The following DLEC1 variants were observed in gnomAD, a reference collection of about 807,000 sequenced individuals.
DLEC1 encodes the protein DLEC1 cilia and flagella associated protein, also known as deleted in lung and esophageal cancer protein 1.
DLEC1 carries 146 observed loss-of-function variants against 198.1 expected under a neutral mutation model. The ratio of observed to expected loss-of-function variants is 0.74; its 90% CI spans 0.64 to 0.85. The LOEUF is 0.85. Among genes scored for constraint, DLEC1 ranks in the 40% least tolerant of loss-of-function variants. The pLI, the probability that DLEC1 is intolerant of heterozygous loss-of-function variation, is 0.00. For synonymous variants in DLEC1, 897 were observed against 866.8 expected, an observed-to-expected ratio of 1.03 and a Z score of -0.61; for missense variants, 2,233 against 2,220.0, an observed-to-expected ratio of 1.01 and a Z score of -0.12.
chr3:38,096,499 A>G, intron 14 of DLEC1, 70 bp from the exon 15 acceptor site: 1 of 1,521,110 alleles, frequency 6.6e-7, no homozygotes, highest in East Asian at 2.3e-5. Flanking sequence ...AACGTGGGAC[A>G]GAGGCAGGGA....
At chr3:38,073,958 G>A (rs535139499) in intron 6 of DLEC1, among the ~76,000 whole-genome samples, 2 of 152,300 alleles carry the variant, frequency 1.3e-5, no homozygotes, top group South Asian at 2.1e-4. Flanking sequence ...GGAAGGAGTC[G>A]GTCAGAGAGC....
At chr3:38,044,593 A>G (rs1700800726) in intron 1 of DLEC1, among the ~76,000 whole-genome samples, 2 of 152,072 alleles carry the variant, frequency 1.3e-5, no homozygotes, top group Admixed American at 6.6e-5. Context: ...AGAAAGGAAA[A>G]GAAAGAAACA....
At chr3:38,082,986 AGAAAAT>A (rs1231447539) in intron 6 of DLEC1, among the ~76,000 whole-genome samples, 3 of 152,148 alleles carry the variant, frequency 2.0e-5, no homozygotes, top group Non-Finnish European at 4.4e-5. Context: ...TGTCTCTACC[AGAAAAT>A]GAAAGGAATT....
intron 22 of DLEC1, 129 bp downstream of exon 22, chr3:38,109,691 G>A (rs561028081): frequency 4.8e-6 from 7 of 1,464,176 alleles, no homozygotes; most frequent in African/African-American, 1.4e-5. Context: ...AAACGCCACA[G>A]TGTTATTGCG....
intron 4 of DLEC1, 98 bp from the exon 5 acceptor site, chr3:38,062,483 C>A: frequency 6.4e-7 from 1 of 1,571,474 alleles, no homozygotes. Flanking sequence ...TAGAGTAGAG[C>A]TTGTGTTGGC....
At chr3:38,044,862 T>C (rs1161097447) in intron 1 of DLEC1, among the ~76,000 whole-genome samples, 2 of 152,198 alleles carry the variant, frequency 1.3e-5, no homozygotes, top group Non-Finnish European at 2.9e-5. Flanking sequence ...AAGTGGACTC[T>C]CTGGGCGCAA....
At chr3:38,091,443 G>A (rs144673597) in intron 10 of DLEC1, among the ~76,000 whole-genome samples, 39 of 152,274 alleles carry the variant, frequency 2.6e-4, no homozygotes, top group African/African-American at 9.1e-4. Flanking sequence ...CAGCCTGGGT[G>A]ACAGAGCAAG....
At chr3:38,117,326 C>A in intron 31 of DLEC1, 24 bp downstream of exon 31, 1 of 1,612,604 alleles carries the variant, frequency 6.2e-7, no homozygotes, top group Non-Finnish European at 8.5e-7. Context: ...GGTGCCCCAT[C>A]TCCTTTCATC....
chr3:38,061,345 A>AT (rs1395928328), intron 3 of DLEC1, among the ~76,000 whole-genome samples: 3 of 151,676 alleles, frequency 2.0e-5, no homozygotes, highest in Non-Finnish European at 4.4e-5. Flanking sequence ...TGCCTGGATA[A>AT]TTTTTTTGTA....
At chr3:38,073,544 G>A (rs956654966) in intron 6 of DLEC1, among the ~76,000 whole-genome samples, 1 of 152,108 alleles carries the variant, frequency 6.6e-6, no homozygotes, top group African/African-American at 2.4e-5. Flanking sequence ...AAGACACAAA[G>A]GAGGCTTTGG....
At chr3:38,043,045 G>C (rs1230499649) in intron 1 of DLEC1, among the ~76,000 whole-genome samples, 1 of 152,134 alleles carries the variant, frequency 6.6e-6, no homozygotes, top group East Asian at 1.9e-4. Flanking sequence ...TTTTCCCTCA[G>C]ATAACCCCGT....
At chr3:38,098,177 C>T (rs925585882) in intron 18 of DLEC1, among the ~76,000 whole-genome samples, 1 of 152,112 alleles carries the variant, frequency 6.6e-6, no homozygotes, top group Non-Finnish European at 1.5e-5. Flanking sequence ...CCCTCAGAGC[C>T]GTCTGAGGCA....
In DLEC1 at chr3:38,100,370, C is replaced by T. The variant is rs1467840295; in HGVS notation, c.2809C>T (p.His937Tyr). The change falls in exon 19 of 37, where the codon CAC (histidine) becomes TAC (tyrosine). Residue 937 changes from histidine (H) to tyrosine (Y), a missense_variant. Physicochemically the swap from His to Tyr is moderately conservative, Grantham distance 83. Transcript: ENST00000308059. ...CRVDITLEAL[H>Y]CQHLETVLEL... The stretch of plus-strand genomic sequence containing the variant: ...GGTGGACATCACCTTGGAGGCCCTG[C>T]ACTGCCAGCATCTGGAGACCGTCCT... 1 of 1,613,892 alleles carries T rather than the reference C, an allele frequency of 6.2e-7. No homozygotes were observed. Among genetic ancestry groups the T allele is most frequent in the Non-Finnish European group, 8.5e-7 (1 of 1,179,986 alleles).
In DLEC1 at chr3:38,092,830, C is replaced by G. The variant is rs1449998054; in HGVS notation, c.1706C>G (p.Thr569Ser). The G allele has an allele frequency of 1.1e-4, 171 of 1,614,160 alleles. No individual in the cohort carries two copies. The East Asian group carries it at 2.9e-3, about 28-fold the overall frequency. The change falls in exon 11 of 37, where the codon ACC (threonine) becomes AGC (serine). Residue 569 changes from threonine to serine, a missense_variant. By Grantham distance (58) the Thr-to-Ser change is moderately conservative. Transcript: ENST00000308059. ...AAGAGCCTAGGAAAGGCAGAGCAGACCTTCATCATCATGTGCGACAACTGC... is the reference window on the plus strand; with the variant it reads ...AAGAGCCTAGGAAAGGCAGAGCAGAGCTTCATCATCATGTGCGACAACTGC... ...SPKSLGKAEQ[T>S]FIIMCDNCQI...
chr3:38,110,972 A>G (rs1018358474), intron 23 of DLEC1, among the ~76,000 whole-genome samples: 2 of 152,138 alleles, frequency 1.3e-5, no homozygotes, highest in African/African-American at 4.8e-5. Context: ...GCACATACAT[A>G]CATGCTCATA....
In DLEC1 at chr3:38,092,847, G is replaced by A. The variant is rs765139538; in HGVS notation, c.1723G>A (p.Asp575Asn). ...AGAGCAGACCTTCATCATCATGTGCGACAACTGCCAGATAAAGGAGCTGGT... is the reference window on the plus strand; with the variant it reads ...AGAGCAGACCTTCATCATCATGTGCAACAACTGCCAGATAAAGGAGCTGGT... ...KAEQTFIIMCDNCQIKELVTI... is the reference protein window; with the variant it reads ...KAEQTFIIMCNNCQIKELVTI... The change falls in exon 11 of 37, where the codon GAC becomes AAC. Residue 575 changes from aspartate to asparagine, a missense_variant. Asp to Asn is a conservative substitution (Grantham distance 23). Coordinates refer to ENST00000308059, the MANE Select transcript of DLEC1 (RefSeq NM_007335.4). The A allele has an allele frequency of 1.4e-5, 22 of 1,614,166 alleles. No individual in the cohort carries two copies. Among genetic ancestry groups the A allele is most frequent in the Non-Finnish European group, 1.4e-5 (16 of 1,180,032 alleles).
Position 38,095,070 on chromosome 3 carries a change from A to G in DLEC1, c.2111A>G (p.Glu704Gly). The G allele has an allele frequency of 6.2e-7, 1 of 1,614,090 alleles. No individual in the cohort carries two copies. The highest frequency in any genetic ancestry group is 8.5e-7 in the Non-Finnish European group (1 of 1,179,964). ...TTCATCCTGAGCTTTTCTCCTCATG[A>G]GGTTCAGATGGTGTCATCTCAGTAG... ...HEFILSFSPH[E>G]LRDFHSVLQM... The change falls in exon 13 of 37, where the codon GAG becomes GGG. Residue 704 changes from glutamate (E) to glycine (G), a missense_variant and splice_region_variant. Transcript: ENST00000308059.
At position 38,039,292 on chromosome 3, in the gene DLEC1, A is replaced by T; in HGVS notation, c.67A>T (p.Met23Leu). ...ASRTNECQGT[M>L]WAPTSPPAGS... ...CCGGACCAACGAGTGCCAGGGGACA[A>T]TGTGGGCGCCAACTTCGCCACCAGC... Residue 23 changes from methionine to leucine, a missense_variant, in exon 1 of 37, where the codon ATG (methionine) becomes TTG (leucine). Met to Leu is a conservative substitution (Grantham distance 15). Coordinates refer to ENST00000308059, the MANE Select transcript of DLEC1 (RefSeq NM_007335.4). 6.2e-7 allele frequency: 1 copy of T among 1,614,178 alleles called. No individual in the cohort carries two copies. Among genetic ancestry groups the T allele is most frequent in the Non-Finnish European group, 8.5e-7 (1 of 1,180,016 alleles).
Position 38,115,062 on chromosome 3 carries a change from T to A in DLEC1, c.3856+9T>A. 8 of 1,613,592 alleles carry A rather than the reference T, an allele frequency of 5.0e-6. No individual in the cohort carries two copies. Among genetic ancestry groups the A allele is most frequent in the Non-Finnish European group, 6.8e-6 (8 of 1,179,754 alleles). On this transcript the variant is annotated intron_variant, in intron 27 of 36. Coordinates refer to ENST00000308059, the MANE Select transcript of DLEC1 (RefSeq NM_007335.4). ...TAACTCCAGCCCCTGTGGTAAGACA[T>A]GCATGAGAGAAGTCAGTGTTCTTGC...
Sources: gnomAD v4.1 joint callset for allele counts (sites outside exome capture counted in the v4.1 genomes callset) on GRCh38, gnomAD v4.1.1 for gene constraint, MANE v1.5 for transcripts, NCBI Gene and HGNC (gene_info 2026-07-23, HGNC 2026-07-21) for gene names.